MARCHF1: variants seen among roughly 807,000 people sequenced by gnomAD.
MARCHF1 encodes membrane associated ring-CH-type finger 1.
A neutral mutation model predicts 54.2 loss-of-function variants in MARCHF1; 40 were observed. That is an observed-to-expected ratio of 0.74 (90% confidence interval 0.57 to 0.96). The LOEUF (loss-of-function observed/expected upper bound fraction) is 0.96. Among genes scored for constraint, MARCHF1 ranks in the 40% least tolerant of loss-of-function variants. The pLI is 0.00. For missense variants in MARCHF1, 586 were observed against 656.5 expected, an observed-to-expected ratio of 0.89 and a Z score of 1.17; for synonymous variants, 236 against 236.3, an observed-to-expected ratio of 1.00 and a Z score of 0.01.
At chr4:164,180,260 T>C (rs915969146) in intron 1 of MARCHF1, among the ~76,000 whole-genome samples, 3 of 152,188 alleles carry the variant, frequency 2.0e-5, no homozygotes, top group Admixed American at 6.5e-5. Context: ...ATGTAATAAA[T>C]ATAGAGTTAT....
intron 3 of MARCHF1, among the ~76,000 whole-genome samples, chr4:163,932,206 G>A (rs1004248537): frequency 6.6e-6 from 1 of 152,088 alleles, no homozygotes; most frequent in Non-Finnish European, 1.5e-5. Context: ...TTTGATGGCT[G>A]TTGACTGACC....
At chr4:163,602,079 T>G (rs1367067660) in intron 7 of MARCHF1, among the ~76,000 whole-genome samples, 2 of 152,046 alleles carry the variant, frequency 1.3e-5, no homozygotes, top group Non-Finnish European at 2.9e-5. Context: ...TTTCTACAAT[T>G]TTTTAAAATT....
intron 2 of MARCHF1, among the ~76,000 whole-genome samples, chr4:164,086,476 TCAC>T (rs1291320133): frequency 3.3e-5 from 5 of 151,988 alleles, no homozygotes; most frequent in Non-Finnish European, 7.4e-5. Context: ...TCAATATGCT[TCAC>T]TACTGTACAC....
chr4:164,326,912 T>C (rs1735294527), intron 1 of MARCHF1, among the ~76,000 whole-genome samples: 1 of 150,846 alleles, frequency 6.6e-6, no homozygotes, highest in African/African-American at 2.4e-5. Flanking sequence ...ATCGGTTCAA[T>C]AGGGGGTTAA....
At chr4:163,594,786 A>ACACACACACACACC (rs1173614623) in intron 7 of MARCHF1, among the ~76,000 whole-genome samples, 18 of 151,448 alleles carry the variant, frequency 1.2e-4, no homozygotes, top group African/African-American at 3.6e-4. Flanking sequence ...ACACACACAC[A>ACACACACACACACC]CCCAAACCCA....
intron 1 of MARCHF1, among the ~76,000 whole-genome samples, chr4:164,245,457 AT>A (rs1490702277): frequency 3.3e-5 from 5 of 152,184 alleles, no homozygotes; most frequent in African/African-American, 1.2e-4. Flanking sequence ...TCTCAAAATA[AT>A]AAGAGCTATC....
intron 3 of MARCHF1, among the ~76,000 whole-genome samples, chr4:163,874,987 C>A (rs1750259626): frequency 6.6e-6 from 1 of 152,118 alleles, no homozygotes. Flanking sequence ...GCTGTTCAGC[C>A]ACAAAGACTT....
intron 5 of MARCHF1, among the ~76,000 whole-genome samples, chr4:163,619,850 T>C (rs1182581093): frequency 1.3e-5 from 2 of 152,098 alleles, no homozygotes; most frequent in African/African-American, 2.4e-5. Flanking sequence ...AAAAATCCTT[T>C]TCTTATGATG....
chr4:163,700,794 A>C lies in MARCHF1; in HGVS notation c.162+19T>G. 1 of 1,531,582 alleles carries C rather than the reference A, an allele frequency of 6.5e-7. No individual in the cohort carries two copies. The highest frequency in any genetic ancestry group is 8.8e-7 in the Non-Finnish European group (1 of 1,142,044). 94.9% of individuals were successfully genotyped at this position (1,531,582 alleles called of 1,614,324 possible). Reference sequence around the variant, plus strand: ...GAAGTGCAGAAGTCAACAAACAAGAAAATGAGTACTTCACCTACTTTTGAA... The same window carrying C: ...GAAGTGCAGAAGTCAACAAACAAGACAATGAGTACTTCACCTACTTTTGAA... On this transcript the variant is annotated intron_variant, in intron 5 of 9. Coordinates refer to ENST00000514618, the MANE Select transcript of MARCHF1 (RefSeq NM_001394959.1).
At chr4:164,219,884 TTG>T (rs929691329) in intron 1 of MARCHF1, among the ~76,000 whole-genome samples, 12 of 151,966 alleles carry the variant, frequency 7.9e-5, no homozygotes, top group Admixed American at 5.2e-4. Flanking sequence ...GTGTTTGATT[TTG>T]TCATTTACTG....
chr4:163,567,654 C>T (rs930183033), intron 8 of MARCHF1, among the ~76,000 whole-genome samples: 2 of 152,110 alleles, frequency 1.3e-5, no homozygotes, highest in African/African-American at 4.8e-5. Context: ...TTCTCTTCTC[C>T]TGTCTGCCGC....
At chr4:164,371,491 A>G (rs189899948) in intron 1 of MARCHF1, among the ~76,000 whole-genome samples, 3 of 152,214 alleles carry the variant, frequency 2.0e-5, no homozygotes, top group African/African-American at 7.2e-5. Flanking sequence ...ATTTCAATGC[A>G]TGTAAATGAC....
intron 3 of MARCHF1, among the ~76,000 whole-genome samples, chr4:163,903,168 C>T (rs757306563): frequency 6.6e-6 from 1 of 151,960 alleles, no homozygotes; most frequent in African/African-American, 2.4e-5. Flanking sequence ...AAAAAAAGTC[C>T]CAAATACTTA....
At chr4:164,357,755 A>T (rs1270117944) in intron 1 of MARCHF1, among the ~76,000 whole-genome samples, 1 of 152,186 alleles carries the variant, frequency 6.6e-6, no homozygotes, top group Non-Finnish European at 1.5e-5. Context: ...CTGAAGTGTC[A>T]ATTGATAACA....
chr4:163,783,664 A>C (rs1193930547), intron 4 of MARCHF1, among the ~76,000 whole-genome samples: 1 of 152,224 alleles, frequency 6.6e-6, no homozygotes, highest in Non-Finnish European at 1.5e-5. Context: ...GGAGGCATTT[A>C]AAATAGTTTT....
chr4:163,547,017 T>G (rs907352974), intron 8 of MARCHF1, among the ~76,000 whole-genome samples: 4 of 152,206 alleles, frequency 2.6e-5, no homozygotes, highest in Non-Finnish European at 5.9e-5. Context: ...CTAGGATTCT[T>G]TACATTATTA....
chr4:163,964,722 G>A (rs956019546), intron 3 of MARCHF1, among the ~76,000 whole-genome samples: 2 of 151,708 alleles, frequency 1.3e-5, no homozygotes, highest in Admixed American at 6.6e-5. Flanking sequence ...TTCCATGGTA[G>A]TCTTCACAGC....
intron 1 of MARCHF1, among the ~76,000 whole-genome samples, chr4:164,166,640 C>T (rs1353995817): frequency 6.6e-6 from 1 of 151,860 alleles, no homozygotes; most frequent in African/African-American, 2.4e-5. Flanking sequence ...ACTGGAAGTA[C>T]TAGCAGGAGC....
intron 4 of MARCHF1, among the ~76,000 whole-genome samples, chr4:163,796,900 T>G (rs900070545): frequency 6.6e-6 from 1 of 152,192 alleles, no homozygotes; most frequent in Non-Finnish European, 1.5e-5. Context: ...ACGATTCTTA[T>G]GCCAGCTTTG....
Sources: allele counts gnomAD v4.1 joint callset (sites outside exome capture counted in the v4.1 genomes callset), GRCh38; gene constraint gnomAD v4.1.1; transcripts MANE v1.5; gene names NCBI Gene and HGNC (gene_info 2026-07-23, HGNC 2026-07-21).